DPP6: variants seen among roughly 807,000 people sequenced by gnomAD.
The protein encoded by DPP6 is A-type potassium channel modulatory protein DPP6.
In DPP6, 69 loss-of-function variants were observed where a neutral mutation model predicts 122.6. That is an observed-to-expected ratio of 0.56 (90% CI 0.46 to 0.69). DPP6 has a LOEUF of 0.69. Ranked by LOEUF, DPP6 falls within the 30% of genes least tolerant of loss-of-function variation. The probability of loss-of-function intolerance (pLI) is 0.00; values close to 1 mark genes in which losing one functional copy is unlikely to be tolerated. For missense variants in DPP6, 928 were observed against 1,116.9 expected (o/e 0.83, Z 2.41); for synonymous variants, 418 against 433.1 (o/e 0.97, Z 0.43).
At chr7:154,861,572 T>A (rs1803399218) in intron 17 of DPP6, among the ~76,000 whole-genome samples, 1 of 152,234 alleles carries the variant, frequency 6.6e-6, no homozygotes, top group Admixed American at 6.5e-5. Flanking sequence ...TCTTTTCTTT[T>A]TAACTTCCGG....
chr7:154,207,389 A>T (rs1799506171), intron 1 of DPP6, among the ~76,000 whole-genome samples: 1 of 152,238 alleles, frequency 6.6e-6, no homozygotes, highest in Admixed American at 6.5e-5. Context: ...ATCTTAAAAA[A>T]AATCTAGCAT....
rs1821246024 is a variant in DPP6, at chr7:154,460,943, ACTCT to A, written c.359-13995_359-13992del. The stretch of plus-strand genomic sequence containing the variant: ...GTTATGCTATCAAATAGTAAATCTT[ACTCT>A]TTCTAACTCTATTTTTGTACCCATT... On this transcript the variant is annotated intron_variant, in intron 2 of 25. Transcript: ENST00000377770. Among the ~76,000 whole-genome samples, 6 of 152,164 alleles carry A rather than the reference ACTCT, an allele frequency of 3.9e-5. 1 individual carries two copies. In the South Asian group the frequency reaches 1.0e-3, roughly 26 times the overall value.
chr7:154,224,136 G>T (rs1800461757), intron 1 of DPP6, among the ~76,000 whole-genome samples: 1 of 148,700 alleles, frequency 6.7e-6, no homozygotes, highest in Non-Finnish European at 1.5e-5. Context: ...CCCAGGCAGA[G>T]ACACAGGCAG....
intron 11 of DPP6, among the ~76,000 whole-genome samples, chr7:154,794,425 T>C (rs1258001550): frequency 6.6e-6 from 1 of 152,200 alleles, no homozygotes; most frequent in African/African-American, 2.4e-5. Context: ...ATCCGTGAAT[T>C]GCCAGAGGCG....
chr7:154,879,225 C>T (rs971344766), intron 20 of DPP6, among the ~76,000 whole-genome samples: 5 of 151,404 alleles, frequency 3.3e-5, no homozygotes, highest in African/African-American at 7.3e-5. Context: ...GGCGGATCAC[C>T]GGAGTCCAGG....
chr7:154,341,831 A>T (rs1809961776), intron 1 of DPP6, among the ~76,000 whole-genome samples: 1 of 152,016 alleles, frequency 6.6e-6, no homozygotes, highest in African/African-American at 2.4e-5. Context: ...ATAATGACGC[A>T]AGAAGAATGG....
At chr7:154,293,441 G>A (rs563627942) in intron 1 of DPP6, among the ~76,000 whole-genome samples, 3 of 152,276 alleles carry the variant, frequency 2.0e-5, no homozygotes, top group Admixed American at 2.0e-4. Flanking sequence ...GTGGAGCTGT[G>A]TGGGCTGAAG....
intron 1 of DPP6, among the ~76,000 whole-genome samples, chr7:153,966,792 G>C (rs978485079): frequency 2.0e-5 from 3 of 151,448 alleles, no homozygotes; most frequent in African/African-American, 7.3e-5. Flanking sequence ...GGCCAGGCTT[G>C]GTGGTGGCTC....
chr7:153,992,216 C>G (rs572172332), intron 1 of DPP6, among the ~76,000 whole-genome samples: 99 of 152,208 alleles, frequency 6.5e-4, no homozygotes, highest in Middle Eastern at 6.8e-3. Flanking sequence ...ATAAGGCCAC[C>G]TCTACTTTGC....
At chr7:154,387,628 T>A (rs953224367) in intron 1 of DPP6, among the ~76,000 whole-genome samples, 5 of 152,248 alleles carry the variant, frequency 3.3e-5, no homozygotes, top group Non-Finnish European at 7.4e-5. Context: ...AGTGAAGCTG[T>A]CTCCTTCACC....
intron 1 of DPP6, among the ~76,000 whole-genome samples, chr7:154,416,672 C>T (rs906678445): frequency 6.2e-5 from 3 of 48,678 alleles, no homozygotes; most frequent in Non-Finnish European, 1.2e-4. Context: ...CGTGTATTCT[C>T]CCCCACCAAG....
chr7:154,766,137 A>G (rs1268220099), intron 8 of DPP6, among the ~76,000 whole-genome samples: 1 of 152,206 alleles, frequency 6.6e-6, no homozygotes, highest in African/African-American at 2.4e-5. Flanking sequence ...ACCTAGGGAA[A>G]ATAAACTAAA....
At chr7:154,507,245 A>C (rs1825731657) in intron 3 of DPP6, among the ~76,000 whole-genome samples, 1 of 151,976 alleles carries the variant, frequency 6.6e-6, no homozygotes, top group Non-Finnish European at 1.5e-5. Context: ...TTTAGAAAGC[A>C]TAATCAAATA....
At chr7:154,422,185 A>C (rs1817523243) in intron 1 of DPP6, among the ~76,000 whole-genome samples, 1 of 152,200 alleles carries the variant, frequency 6.6e-6, no homozygotes, top group African/African-American at 2.4e-5. Flanking sequence ...TCTCTTGGTC[A>C]AGCCTCAAAT....
intron 1 of DPP6, among the ~76,000 whole-genome samples, chr7:154,222,604 G>A (rs560285556): frequency 1.4e-5 from 2 of 148,018 alleles, no homozygotes; most frequent in East Asian, 2.0e-4. Context: ...GCAGTGAGCC[G>A]AGATCACACC....
At chr7:153,868,892 C>G in the DPP6 span, among the ~76,000 whole-genome samples, 113 of 152,176 alleles carry the variant, frequency 7.4e-4, 1 homozygote, top group African/African-American at 2.6e-3. Flanking sequence ...TTTATTTCTG[C>G]TTTCATTTCG....
chr7:154,060,698 G>C lies in DPP6; in HGVS notation c.243+7635G>C, dbSNP rs1279881158. On this transcript the variant is annotated intron_variant, in intron 1 of 25. Coordinates refer to ENST00000377770, the MANE Select transcript of DPP6 (RefSeq NM_130797.4). ...GCTATCCCCTCTTCCGCCCCTGGCTGTTAGTACCCCCATCGCAGGGGGGGA... is the reference window on the plus strand; with the variant it reads ...GCTATCCCCTCTTCCGCCCCTGGCTCTTAGTACCCCCATCGCAGGGGGGGA... Among the ~76,000 whole-genome samples, 194 of 130,098 alleles carry C rather than the reference G, an allele frequency of 1.5e-3. 1 individual carries two copies. Among genetic ancestry groups the C allele is most frequent in the Admixed American group, 4.5e-3 (57 of 12,792 alleles). 85.3% of individuals were successfully genotyped at this position (130,098 alleles called of 152,430 possible).
chr7:154,415,880 G>A (rs146701701), intron 1 of DPP6, among the ~76,000 whole-genome samples: 19 of 151,524 alleles, frequency 1.3e-4, no homozygotes, highest in African/African-American at 3.6e-4. Context: ...AATTGTACTC[G>A]ATGGACTTGA....
At chr7:154,459,249 A>G (rs1415887865) in intron 2 of DPP6, among the ~76,000 whole-genome samples, 1 of 152,232 alleles carries the variant, frequency 6.6e-6, no homozygotes, top group East Asian at 1.9e-4. Flanking sequence ...GGTGTTTGCT[A>G]CGTGTCACAG....
Sources: gnomAD v4.1 joint callset for allele counts (sites outside exome capture counted in the v4.1 genomes callset) on GRCh38, gnomAD v4.1.1 for gene constraint, MANE v1.5 for transcripts, NCBI Gene and HGNC (gene_info 2026-07-23, HGNC 2026-07-21) for gene names.